NDP: variants seen among roughly 807,000 people sequenced by gnomAD.
NDP encodes norrin cystine knot growth factor NDP, also known as norrin.
NDP carries 2 observed loss-of-function variants against 8.4 expected under a neutral mutation model. The observed-to-expected ratio is 0.24, with a 90% CI of 0.10 to 0.75. The LOEUF (loss-of-function observed/expected upper bound fraction) is 0.75, where lower values mean the gene tolerates loss of function less well. Among genes scored for constraint, NDP ranks in the 30% least tolerant of loss-of-function variants. The pLI is 0.73. For synonymous variants in NDP, 55 were observed against 45.6 expected, an observed-to-expected ratio of 1.21 and a Z score of -0.83; for missense variants, 81 against 110.1, an observed-to-expected ratio of 0.74 and a Z score of 1.18.
chrX:43,963,280 T>G (rs993771867), intron 1 of NDP, among the ~76,000 whole-genome samples: 1 of 111,919 alleles, frequency 8.9e-6, no homozygotes, highest in Non-Finnish European at 1.9e-5. Context: ...ATAGTTCCTA[T>G]CCTCGATCCC....
intron 1 of NDP, among the ~76,000 whole-genome samples, chrX:43,970,932 T>C (rs1208235224): frequency 2.7e-5 from 3 of 112,029 alleles, no homozygotes; most frequent in African/African-American, 9.8e-5. Flanking sequence ...CCGTGTTAGC[T>C]GTGCAAATGA....
intron 2 of NDP, among the ~76,000 whole-genome samples, chrX:43,957,446 G>T (rs1293757489): frequency 9.1e-6 from 1 of 110,257 alleles, no homozygotes. Context: ...TGGTTAAAAT[G>T]ATTTAACTCG....
At chrX:43,954,071 G>T (rs763919416) in intron 2 of NDP, among the ~76,000 whole-genome samples, 3 of 112,212 alleles carry the variant, frequency 2.7e-5, no homozygotes, top group Non-Finnish European at 3.8e-5. Context: ...ATTTTACTCC[G>T]ACAGAGTGGA....
chrX:43,967,920 T>C lies in NDP; in HGVS notation c.-208+5384A>G, dbSNP rs756454066. On this transcript the variant is annotated intron_variant, in intron 1 of 2. Coordinates refer to ENST00000642620, the MANE Select transcript of NDP (RefSeq NM_000266.4). ...AGGCCTTGGAAGAGAGCAAATTGTC[T>C]GAAAAATTCTTAGCTTTTGTGGAAA... 3.7e-4 allele frequency among the ~76,000 whole-genome samples: 41 copies of C among 110,654 alleles called. No individual in the cohort carries two copies. In the East Asian group the frequency reaches 0.011, roughly 30 times the overall value.
chrX:43,960,572 T>G (rs2035820768), intron 1 of NDP, among the ~76,000 whole-genome samples: 1 of 112,353 alleles, frequency 8.9e-6, no homozygotes, highest in Non-Finnish European at 1.9e-5. Context: ...CTGCATAATC[T>G]GGGTTTTCCT....
intron 1 of NDP, among the ~76,000 whole-genome samples, chrX:43,960,281 C>G (rs1231453579): frequency 8.9e-6 from 1 of 111,876 alleles, no homozygotes; most frequent in Non-Finnish European, 1.9e-5. Flanking sequence ...TCAACCTCCT[C>G]TAGCCCAAGT....
intron 1 of NDP, chrX:43,960,647 C>T (rs1049517974): frequency 3.6e-5 from 4 of 112,355 alleles, no homozygotes; most frequent in African/African-American, 6.5e-5. Flanking sequence ...TTGGGGTCCA[C>T]TTTCAGAGGA....
intron 1 of NDP, among the ~76,000 whole-genome samples, chrX:43,969,207 T>G (rs2035875889): frequency 8.9e-6 from 1 of 112,131 alleles, no homozygotes; most frequent in African/African-American, 3.2e-5. Flanking sequence ...CCCCATGCAT[T>G]TTTTAGTTCG....
intron 2 of NDP, among the ~76,000 whole-genome samples, chrX:43,950,376 C>T (rs1216028828): frequency 9.3e-6 from 1 of 107,009 alleles, no homozygotes; most frequent in Non-Finnish European, 1.9e-5. Context: ...CTACCACTGG[C>T]CCAATGCATT....
chrX:43,970,625 C>A (rs904946880), intron 1 of NDP, among the ~76,000 whole-genome samples: 1 of 111,331 alleles, frequency 9.0e-6, no homozygotes, highest in Non-Finnish European at 1.9e-5. Context: ...GAAGAGTTTC[C>A]AACAGCTTCT....
chrX:43,958,382 T>G, intron 2 of NDP, 90 bp downstream of exon 2: 43 of 1,061,550 alleles, frequency 4.1e-5, no homozygotes, highest in Non-Finnish European at 5.5e-5. Flanking sequence ...GTTTGGGCTA[T>G]GATCTTAGTT....
intron 1 of NDP, among the ~76,000 whole-genome samples, chrX:43,964,819 T>C (rs1199057083): frequency 8.9e-6 from 1 of 112,052 alleles, no homozygotes; most frequent in Non-Finnish European, 1.9e-5. Context: ...AATGCTTTTA[T>C]GTGTCTATCC....
intron 1 of NDP, among the ~76,000 whole-genome samples, chrX:43,963,972 T>C (rs373409153): frequency 6.1e-4 from 69 of 112,344 alleles, no homozygotes; most frequent in South Asian, 1.1e-3. Context: ...CAACTCCAGG[T>C]ATCTCCAAGG....
intron 2 of NDP, chrX:43,953,347 A>G (rs1168646393): frequency 8.9e-6 from 1 of 112,349 alleles, no homozygotes; most frequent in African/African-American, 3.2e-5. Flanking sequence ...TCTCTTCCGG[A>G]TCAGAGCTTC....
At chrX:43,963,215 C>T (rs1426054019) in intron 1 of NDP, among the ~76,000 whole-genome samples, 2 of 111,970 alleles carry the variant, frequency 1.8e-5, no homozygotes, top group Non-Finnish European at 3.8e-5. Flanking sequence ...TATTGAGCAC[C>T]TACTGTGTGT....
At chrX:43,950,807 G>A (rs2035757155) in intron 2 of NDP, among the ~76,000 whole-genome samples, 1 of 112,047 alleles carries the variant, frequency 8.9e-6, no homozygotes, top group Non-Finnish European at 1.9e-5. Flanking sequence ...CTCTTAATCT[G>A]GCTTTAGCAA....
intron 1 of NDP, among the ~76,000 whole-genome samples, chrX:43,961,210 G>A (rs1167175499): frequency 8.9e-6 from 1 of 112,608 alleles, no homozygotes. Flanking sequence ...GTCCATTTTG[G>A]AGAAAGTTCA....
At chrX:43,973,174 T>C (rs1287379124) in intron 1 of NDP, 130 bp downstream of exon 1, 1 of 112,711 alleles carries the variant, frequency 8.9e-6, no homozygotes, top group Non-Finnish European at 1.9e-5. Context: ...TACAGATTAA[T>C]GCAAATTAAA....
chrX:43,957,471 T>C (rs2035801305), intron 2 of NDP, among the ~76,000 whole-genome samples: 1 of 110,820 alleles, frequency 9.0e-6, no homozygotes, highest in Admixed American at 9.7e-5. Context: ...CTGATCCTCC[T>C]AAACTAAAAT....
Sources: gnomAD v4.1 joint callset for allele counts (sites outside exome capture counted in the v4.1 genomes callset) on GRCh38, gnomAD v4.1.1 for gene constraint, MANE v1.5 for transcripts, NCBI Gene and HGNC (gene_info 2026-07-23, HGNC 2026-07-21) for gene names.